KIAA0319: variants seen among roughly 807,000 people sequenced by gnomAD.
KIAA0319 encodes dyslexia-associated protein KIAA0319.
Under a neutral mutation model 108.4 loss-of-function variants are expected in KIAA0319, and 83 were observed. The observed-to-expected ratio is 0.77, with a 90% CI of 0.64 to 0.92. KIAA0319 has a LOEUF of 0.92. Ranked by LOEUF, KIAA0319 falls within the 40% of genes least tolerant of loss-of-function variation. The pLI is 0.00. For missense variants in KIAA0319, 1,195 were observed against 1,322.4 expected, an observed-to-expected ratio of 0.90 and a Z score of 1.49; for synonymous variants, 484 against 510.4, an observed-to-expected ratio of 0.95 and a Z score of 0.70.
intron 14 of KIAA0319, among the ~76,000 whole-genome samples, chr6:24,565,645 C>T (rs189499676): frequency 1.4e-4 from 21 of 145,460 alleles, no homozygotes; most frequent in Non-Finnish European, 2.4e-4. Flanking sequence ...CCCAGCTACG[C>T]GGGAGGCTGA....
intron 3 of KIAA0319, 95 bp downstream of exon 3, chr6:24,595,778 G>T: frequency 7.2e-7 from 1 of 1,395,138 alleles, no homozygotes; most frequent in Non-Finnish European, 9.7e-7. Context: ...AGCTCATACA[G>T]CCTGAATGAG....
chr6:24,638,131 AAG>A (rs1776437355), intron 1 of KIAA0319, among the ~76,000 whole-genome samples: 1 of 152,212 alleles, frequency 6.6e-6, no homozygotes, highest in African/African-American at 2.4e-5. Context: ...CTGAAAGTAA[AAG>A]AGTATCAAAG....
intron 16 of KIAA0319, 33 bp from the exon 17 acceptor site, chr6:24,559,188 A>G (rs1320469392): frequency 2.5e-6 from 4 of 1,604,366 alleles, no homozygotes; most frequent in South Asian, 1.1e-5. Context: ...GGACAGCCAC[A>G]TGGTCAGATG....
chr6:24,610,055 G>T (rs1772066668), intron 1 of KIAA0319, among the ~76,000 whole-genome samples: 1 of 151,698 alleles, frequency 6.6e-6, no homozygotes, highest in Non-Finnish European at 1.5e-5. Flanking sequence ...GACACCAAAA[G>T]GACAAATGAT....
intron 1 of KIAA0319, among the ~76,000 whole-genome samples, chr6:24,634,297 A>T (rs1775936590): frequency 6.6e-6 from 1 of 152,166 alleles, no homozygotes; most frequent in Non-Finnish European, 1.5e-5. Flanking sequence ...CGAAACACAC[A>T]CTACCTTGAT....
At chr6:24,558,908 G>C in intron 17 of KIAA0319, 105 bp downstream of exon 17, 2 of 1,120,864 alleles carry the variant, frequency 1.8e-6, no homozygotes, top group Non-Finnish European at 2.5e-6. Flanking sequence ...CAAGTCCCTG[G>C]ATGCTAAAGT....
Position 24,646,050 on chromosome 6 carries a change from C to G in KIAA0319, c.-420G>C, listed in dbSNP as rs1167460344. The G allele has an allele frequency of 6.5e-6, 1 of 152,744 alleles. No homozygotes were observed. The highest frequency in any genetic ancestry group is 1.9e-4 in the East Asian group (1 of 5,194). 9.5% of individuals were successfully genotyped at this position (152,744 alleles called of 1,614,324 possible). ...GCGCTCTCACCTCCGGCAGTGACAG[C>G]GAGCGCCGCCGCCGCTCTGCGCGGG... On this transcript the variant is annotated 5_prime_UTR_variant, in exon 1 of 21. Transcript: ENST00000378214.
chr6:24,604,811 T>C (rs1256449266), intron 1 of KIAA0319, among the ~76,000 whole-genome samples: 4 of 152,156 alleles, frequency 2.6e-5, no homozygotes, highest in Non-Finnish European at 5.9e-5. Context: ...TCAGTTCTAA[T>C]AGCTTATAAG....
At chr6:24,568,192 G>A (rs1764167545) in intron 13 of KIAA0319, among the ~76,000 whole-genome samples, 1 of 152,118 alleles carries the variant, frequency 6.6e-6, no homozygotes, top group Non-Finnish European at 1.5e-5. Flanking sequence ...TTTCCATCCA[G>A]CCAGGCTCTT....
At chr6:24,590,737 T>A (rs867935654) in intron 3 of KIAA0319, among the ~76,000 whole-genome samples, 14 of 152,186 alleles carry the variant, frequency 9.2e-5, no homozygotes, top group African/African-American at 3.4e-4. Context: ...AAACCTCTCA[T>A]CCTGCTCTTC....
At chr6:24,548,905 G>A (rs1382762425) in intron 20 of KIAA0319, among the ~76,000 whole-genome samples, 1 of 152,172 alleles carries the variant, frequency 6.6e-6, no homozygotes, top group Non-Finnish European at 1.5e-5. Flanking sequence ...TAGACATAGA[G>A]GTTGCTGTGG....
chr6:24,571,497 C>T (rs1764725300), intron 11 of KIAA0319, among the ~76,000 whole-genome samples: 1 of 152,084 alleles, frequency 6.6e-6, no homozygotes, highest in Non-Finnish European at 1.5e-5. Flanking sequence ...TTCCCTTTGC[C>T]GTAGGATAGA....
chr6:24,570,311 C>T (rs576553805), intron 11 of KIAA0319, among the ~76,000 whole-genome samples: 1 of 152,260 alleles, frequency 6.6e-6, no homozygotes, highest in South Asian at 2.1e-4. Context: ...CTCAGTCGGC[C>T]GGGCACAGTG....
intron 1 of KIAA0319, among the ~76,000 whole-genome samples, chr6:24,615,693 C>T (rs569887647): frequency 3.9e-4 from 60 of 152,336 alleles, no homozygotes; most frequent in Admixed American, 1.5e-3. Flanking sequence ...GATATAACCA[C>T]CTTTAACACT....
At chr6:24,566,771 A>G in intron 13 of KIAA0319, 23 bp from the exon 14 acceptor site, 7 of 1,591,444 alleles carry the variant, frequency 4.4e-6, no homozygotes, top group Non-Finnish European at 6.0e-6. Context: ...TAGCAAAATG[A>G]AAGCAAAGAG....
chr6:24,561,033 G>T (rs1419650389), intron 16 of KIAA0319, among the ~76,000 whole-genome samples: 1 of 152,116 alleles, frequency 6.6e-6, no homozygotes, highest in Non-Finnish European at 1.5e-5. Context: ...TATTAATGTG[G>T]TTTATGACAT....
At chr6:24,586,139 A>C (rs1767453600) in intron 4 of KIAA0319, among the ~76,000 whole-genome samples, 1 of 152,200 alleles carries the variant, frequency 6.6e-6, no homozygotes, top group Non-Finnish European at 1.5e-5. Context: ...GATACATGTC[A>C]TCAGGACCTC....
At position 24,559,018 on chromosome 6, in the gene KIAA0319, G is replaced by GT. The variant is rs1416946469; in HGVS notation, c.2728dup (p.Thr910AsnfsTer44). 2 of 1,610,496 alleles carry GT rather than the reference G, an allele frequency of 1.2e-6. No individual in the cohort carries two copies. Among genetic ancestry groups the GT allele is most frequent in the Non-Finnish European group, 1.7e-6 (2 of 1,178,668 alleles). Reference sequence around the variant, plus strand: ...ATATTCCATAGGAGACCTACCTGCTGTATCAACCCTCAAGACCTTGAAAAG... The same window carrying GT: ...ATATTCCATAGGAGACCTACCTGCTGTTATCAACCCTCAAGACCTTGAAAAG... On this transcript the variant is annotated frameshift_variant, in exon 17 of 21. Transcript: ENST00000378214. LOFTEE classifies it high-confidence loss of function.
Position 24,588,766 on chromosome 6 carries a change from C to T in KIAA0319, c.821G>A (p.Ser274Asn). Residue 274 changes from serine (S) to asparagine (N), a missense_variant, in exon 4 of 21, where the codon AGT becomes AAT. By Grantham distance (46) the Ser-to-Asn change is conservative. Coordinates refer to ENST00000378214, the MANE Select transcript of KIAA0319 (RefSeq NM_014809.4). ...SGKEVLMPSH[S>N]LPPASLELSS... ...GAGCTCCAGGCTTGCCGGAGGAAGA[C>T]TATGGGAAGGCATTAGAACCTACGA... 1 of 1,613,362 alleles carries T rather than the reference C, an allele frequency of 6.2e-7. No homozygotes were observed. The highest frequency in any genetic ancestry group is 8.5e-7 in the Non-Finnish European group (1 of 1,179,882).
Sources: allele counts gnomAD v4.1 joint callset (sites outside exome capture counted in the v4.1 genomes callset), GRCh38; gene constraint gnomAD v4.1.1; transcripts MANE v1.5; gene names NCBI Gene and HGNC (gene_info 2026-07-23, HGNC 2026-07-21).